The following RFXANK variants were observed in gnomAD, a reference collection of about 807,000 sequenced individuals.
RFXANK encodes the protein regulatory factor X associated ankyrin containing protein, also known as DNA-binding protein RFXANK.
A neutral mutation model predicts 34.5 loss-of-function variants in RFXANK; 19 were observed. The observed-to-expected ratio is 0.55, with a 90% CI of 0.38 to 0.81. The LOEUF is 0.81. Ranked by LOEUF, RFXANK falls within the 30% of genes least tolerant of loss-of-function variation. RFXANK has a pLI of 0.00. For synonymous variants in RFXANK, 154 were observed against 149.8 expected (o/e 1.03, Z -0.20); for missense variants, 295 against 343.5 (o/e 0.86, Z 1.12).
At chr19:19,199,711 G>C (rs774316574) in intron 9 of RFXANK, among the ~76,000 whole-genome samples, 1 of 152,162 alleles carries the variant, frequency 6.6e-6, no homozygotes, top group Non-Finnish European at 1.5e-5. Flanking sequence ...ACACCAAGGG[G>C]TAGGCGACCA....
chr19:19,199,311 C>A, intron 9 of RFXANK, 77 bp downstream of exon 9: 1 of 1,358,836 alleles, frequency 7.4e-7, no homozygotes, highest in Non-Finnish European at 1.1e-6. Flanking sequence ...CATGGGACAC[C>A]CCTTCAGTGG....
Position 19,201,643 on chromosome 19 carries a change from T to G in RFXANK, c.713-6T>G. 2.5e-6 allele frequency: 4 copies of G among 1,614,086 alleles called. No homozygotes were observed. The highest frequency in any genetic ancestry group is 3.4e-6 in the Non-Finnish European group (4 of 1,180,010). On this transcript the variant is annotated splice_polypyrimidine_tract_variant and splice_region_variant and intron_variant, in intron 9 of 9. Transcript: ENST00000303088. ...CACAGCCCACCTTTTCCCTGCCCCA[T>G]CTCAGTGCAACAGGTGATCGAGAAC...
intron 3 of RFXANK, 48 bp downstream of exon 3, chr19:19,194,181 G>A (rs780874799): frequency 1.3e-6 from 2 of 1,574,398 alleles, no homozygotes; most frequent in Admixed American, 3.3e-5. Flanking sequence ...CATGATGATG[G>A]AATGTCAGGC....
At chr19:19,198,889 C>T (rs912522948) in intron 8 of RFXANK, 166 bp downstream of exon 8, 1 of 800,528 alleles carries the variant, frequency 1.2e-6, no homozygotes, top group African/African-American at 1.7e-5. Context: ...GGTGGTAGGA[C>T]CACACGGGAG....
intron 8 of RFXANK, 111 bp downstream of exon 8, chr19:19,198,834 G>A (rs1265156214): frequency 2.4e-5 from 26 of 1,101,438 alleles, no homozygotes; most frequent in Non-Finnish European, 3.6e-5. Context: ...CTTGGAGCAG[G>A]TAGTCCCTGC....
Position 19,200,788 on chromosome 19 carries a change from ATTTTTT to A in RFXANK, c.713-839_713-834del, listed in dbSNP as rs71170606. ...AAGTGCCTGCCACCACACCTGGCTA[ATTTTTT>A]TTTTTTTTTTTTTTTTTTTTTGAGA... On this transcript the variant is annotated intron_variant, in intron 9 of 9. Transcript: ENST00000303088. 234 of 84,586 alleles carry A rather than the reference ATTTTTT, an allele frequency of 2.8e-3. 3 individuals carry two copies. The highest frequency in any genetic ancestry group is 9.1e-3 in the Middle Eastern group (1 of 110). 5.2% of individuals were successfully genotyped at this position (84,586 alleles called of 1,614,324 possible).
Position 19,197,458 on chromosome 19 carries a change from G to T in RFXANK, c.338-63G>T. 1 of 1,523,986 alleles carries T rather than the reference G, an allele frequency of 6.6e-7. No individual in the cohort carries two copies. 94.4% of individuals were successfully genotyped at this position (1,523,986 alleles called of 1,614,324 possible). A position where few individuals can be genotyped will look rare whatever the true frequency, so the allele number is the denominator to read the frequency against. The stretch of plus-strand genomic sequence containing the variant: ...CCAGCCCCCCACCTCGTCCCCATTT[G>T]GCAGCACTGGGGATAGGGGGCAGGG... On this transcript the variant is annotated intron_variant, in intron 5 of 9. Transcript: ENST00000303088.
chr19:19,196,615 A>T (rs1241165740), intron 3 of RFXANK, among the ~76,000 whole-genome samples: 1 of 152,026 alleles, frequency 6.6e-6, no homozygotes. Context: ...CTATAATCCC[A>T]GCACTTTGGG....
At chr19:19,199,348 G>T (rs1323216646) in intron 9 of RFXANK, 114 bp downstream of exon 9, 3 of 1,026,380 alleles carry the variant, frequency 2.9e-6, no homozygotes, top group Non-Finnish European at 4.6e-6. Flanking sequence ...AGAGTGTGTT[G>T]ACAGGTGTTG....
In RFXANK at chr19:19,201,739, C is replaced by CT; in HGVS notation, c.*20_*21insT. 1 of 1,613,788 alleles carries CT rather than the reference C, an allele frequency of 6.2e-7. No homozygotes were observed. Among genetic ancestry groups the CT allele is most frequent in the Non-Finnish European group, 8.5e-7 (1 of 1,179,934 alleles). ...GAGTGAAGGCCGCCTGCCGGGGACT[C>CT]AGACACTCAGGGAACAAAATGGTCA... is the stretch of plus-strand genomic sequence containing the variant. On this transcript the variant is annotated 3_prime_UTR_variant, in exon 10 of 10. Coordinates refer to ENST00000303088, the MANE Select transcript of RFXANK (RefSeq NM_003721.4).
At chr19:19,193,911 ATC>A (rs763445010) in intron 2 of RFXANK, 26 bp from the exon 3 acceptor site, 14 of 1,611,364 alleles carry the variant, frequency 8.7e-6, no homozygotes, top group Non-Finnish European at 1.2e-5. Context: ...AATTATTGTC[ATC>A]TCTCCCCTTC....
rs1170452718 is a variant in RFXANK, at chr19:19,198,697, A to G, written c.605A>G (p.His202Arg). The change falls in exon 8 of 10, where the codon CAC becomes CGC. Residue 202 changes from histidine to arginine, a missense_variant. Transcript: ENST00000303088. ...CTGCTGTACGCTGTGCGCGGGAACC[A>G]CGTGAAATGCGTTGAGGCCTTGCTG... ...TPLLYAVRGN[H>R]VKCVEALLAR... The G allele has an allele frequency of 1.3e-5, 21 of 1,613,880 alleles. No individual in the cohort carries two copies. Among genetic ancestry groups the G allele is most frequent in the Non-Finnish European group, 1.8e-5 (21 of 1,180,056 alleles).
chr19:19,201,208 A>C (rs1052070229), intron 9 of RFXANK, among the ~76,000 whole-genome samples: 4 of 152,008 alleles, frequency 2.6e-5, no homozygotes, highest in Non-Finnish European at 5.9e-5. Context: ...CCAAAGTGCT[A>C]GGATTACAGG....
intron 9 of RFXANK, among the ~76,000 whole-genome samples, chr19:19,199,826 C>T (rs920380413): frequency 6.6e-6 from 1 of 152,180 alleles, no homozygotes; most frequent in Non-Finnish European, 1.5e-5. Flanking sequence ...TTCTCTGTCA[C>T]AATGGGACCC....
intron 4 of RFXANK, 33 bp from the exon 5 acceptor site, chr19:19,197,152 GA>G: frequency 6.2e-7 from 1 of 1,613,604 alleles, no homozygotes; most frequent in Non-Finnish European, 8.5e-7. Flanking sequence ...GAAGCAAGGG[GA>G]TGAGTGAGGA....
At chr19:19,198,800 C>T (rs571283002) in intron 8 of RFXANK, 77 bp downstream of exon 8, 72 of 1,417,118 alleles carry the variant, frequency 5.1e-5, no homozygotes, top group South Asian at 9.2e-5. Context: ...GGCAGGGAGA[C>T]GCCCAAGTGT....
chr19:19,198,993 A>G lies in RFXANK; in HGVS notation c.632-161A>G, dbSNP rs2060650245. Reference sequence around the variant, plus strand: ...CAGCCACGTTCTTCAGTGGAGACCAAGATAGCAGAGGTTGGACCCTTGTCA... The same window carrying G: ...CAGCCACGTTCTTCAGTGGAGACCAGGATAGCAGAGGTTGGACCCTTGTCA... On this transcript the variant is annotated intron_variant, in intron 8 of 9. Coordinates refer to ENST00000303088, the MANE Select transcript of RFXANK (RefSeq NM_003721.4). The G allele has an allele frequency of 3.8e-6, 3 of 788,096 alleles. No individual in the cohort carries two copies. The Admixed American group carries it at 6.0e-5, about 16-fold the overall frequency. The allele number at this position is 788,096 out of a possible 1,614,324, so 48.8% of individuals were successfully genotyped here.
chr19:19,199,414 C>A (rs1037785555), intron 9 of RFXANK, among the ~76,000 whole-genome samples, 180 bp downstream of exon 9: 1 of 152,150 alleles, frequency 6.6e-6, no homozygotes, highest in Non-Finnish European at 1.5e-5. Context: ...TGGGGCTCCA[C>A]ATGTGCTGGG....
rs764499202 is a variant in RFXANK, at chr19:19,193,993, C to A, written c.47C>A (p.Thr16Asn). 1 of 1,614,244 alleles carries A rather than the reference C, an allele frequency of 6.2e-7. No homozygotes were observed. Among genetic ancestry groups the A allele is most frequent in the Non-Finnish European group, 8.5e-7 (1 of 1,180,040 alleles). The change falls in exon 3 of 10, where the codon ACC becomes AAC. Residue 16 changes from threonine (T) to asparagine (N), a missense_variant. Physicochemically the swap from Thr to Asn is moderately conservative, Grantham distance 65. Coordinates refer to ENST00000303088, the MANE Select transcript of RFXANK (RefSeq NM_003721.4). ...PAEDLIQTQQTPASELGDPED... is the reference protein window; with the variant it reads ...PAEDLIQTQQNPASELGDPED... ...GAAGACCTCATCCAGACCCAGCAGA[C>A]CCCTGCCTCAGAACTTGGGGACCCT...
Sources: allele counts gnomAD v4.1 joint callset (sites outside exome capture counted in the v4.1 genomes callset), GRCh38; gene constraint gnomAD v4.1.1; transcripts MANE v1.5; gene names NCBI Gene and HGNC (gene_info 2026-07-23, HGNC 2026-07-21).